Variants in DPYS observed in about 807,000 individuals in gnomAD.
DPYS encodes the protein dihydropyrimidinase.
DPYS carries 39 observed loss-of-function variants against 50.3 expected under a neutral mutation model. The observed-to-expected ratio is 0.78, with a 90% confidence interval of 0.60 to 1.01. DPYS has a LOEUF of 1.01. Among genes scored for constraint, DPYS ranks in the 50% least tolerant of loss-of-function variants. DPYS has a pLI of 0.00. For missense variants in DPYS, 659 were observed against 680.9 expected, an observed-to-expected ratio of 0.97 and a Z score of 0.36; for synonymous variants, 245 against 250.7, an observed-to-expected ratio of 0.98 and a Z score of 0.22.
At chr8:104,460,144 C>A (rs1261238743) in intron 1 of DPYS, among the ~76,000 whole-genome samples, 1 of 152,180 alleles carries the variant, frequency 6.6e-6, no homozygotes, top group African/African-American at 2.4e-5. Context: ...AGACTTTCCT[C>A]CCTGAGAGAA....
chr8:104,451,107 A>G (rs750099300), intron 2 of DPYS, 139 bp downstream of exon 2: 2 of 1,041,492 alleles, frequency 1.9e-6, no homozygotes, highest in Non-Finnish European at 2.9e-6. Flanking sequence ...AAAGATACAA[A>G]AGAATATGCA....
intron 1 of DPYS, among the ~76,000 whole-genome samples, chr8:104,454,901 C>T (rs532837831): frequency 6.6e-6 from 1 of 152,140 alleles, no homozygotes; most frequent in East Asian, 1.9e-4. Flanking sequence ...ACAGCAAGTG[C>T]TGTGATGCTG....
chr8:104,465,539 T>C (rs1282131757), intron 1 of DPYS, among the ~76,000 whole-genome samples: 4 of 152,194 alleles, frequency 2.6e-5, no homozygotes, highest in South Asian at 4.1e-4. Context: ...ATTTTTACTC[T>C]ATGTTCCTGT....
intron 1 of DPYS, among the ~76,000 whole-genome samples, chr8:104,453,886 C>T (rs1217150334): frequency 3.3e-5 from 5 of 152,238 alleles, no homozygotes; most frequent in African/African-American, 4.8e-5. Flanking sequence ...TACTGACATA[C>T]GCTATGACAT....
At chr8:104,418,928 G>T in intron 7 of DPYS, 1 of 826,464 alleles carries the variant, frequency 1.2e-6, no homozygotes, top group Non-Finnish European at 1.5e-6. Context: ...TTGACCCTCA[G>T]CCTGCGGCTT....
Position 104,424,278 on chromosome 8 carries a change from CA to C in DPYS, c.1203del (p.Asp402ThrfsTer38). On this transcript the variant is annotated frameshift_variant, in exon 7 of 10. Transcript: ENST00000351513. LOFTEE classifies it high-confidence loss of function. ...RKGRIAVGSD[A>X]DIVIWDPKGT... The stretch of plus-strand genomic sequence containing the variant: ...CCTTTTGGGTCCCAAATAACAATGT[CA>C]GCATCTGATCCTACAGCTATTCTTC... The C allele has an allele frequency of 6.2e-7, 1 of 1,614,136 alleles. No homozygotes were observed. Among genetic ancestry groups the C allele is most frequent in the Non-Finnish European group, 8.5e-7 (1 of 1,180,014 alleles).
intron 1 of DPYS, among the ~76,000 whole-genome samples, chr8:104,466,365 AG>A (rs1384760604): frequency 6.6e-6 from 1 of 152,180 alleles, no homozygotes; most frequent in Non-Finnish European, 1.5e-5. Context: ...TAGAGAAATT[AG>A]GGTAAGGGGA....
intron 3 of DPYS, among the ~76,000 whole-genome samples, chr8:104,446,170 T>C (rs2669433): frequency 0.62 from 94,287 of 152,060 alleles, 30,446 homozygotes; most frequent in Non-Finnish European, 0.72. Flanking sequence ...CAATTTTCCA[T>C]GATGTGATTC....
At chr8:104,456,941 A>G (rs1370194179) in intron 1 of DPYS, among the ~76,000 whole-genome samples, 2 of 152,202 alleles carry the variant, frequency 1.3e-5, no homozygotes, top group Non-Finnish European at 2.9e-5. Context: ...TCCATTGTAA[A>G]TCATTACTGA....
intron 8 of DPYS, among the ~76,000 whole-genome samples, chr8:104,384,462 C>T (rs543461062): frequency 6.6e-6 from 1 of 152,298 alleles, no homozygotes; most frequent in Admixed American, 6.5e-5. Context: ...GAATCTGAAA[C>T]CATCACTGCT....
intron 7 of DPYS, among the ~76,000 whole-genome samples, chr8:104,411,554 C>G (rs1812176278): frequency 6.6e-6 from 1 of 152,050 alleles, no homozygotes; most frequent in Admixed American, 6.6e-5. Flanking sequence ...GAAGAAACCA[C>G]CTTTAAGAAA....
intron 2 of DPYS, among the ~76,000 whole-genome samples, chr8:104,450,578 G>A (rs1487787197): frequency 1.3e-5 from 2 of 152,328 alleles, no homozygotes; most frequent in African/African-American, 4.8e-5. Flanking sequence ...TCTCAGAACT[G>A]TCTTTTCTAT....
At chr8:104,382,238 C>T (rs16871365) in intron 8 of DPYS, among the ~76,000 whole-genome samples, 62,351 of 152,022 alleles carry the variant, frequency 0.41, 15,702 homozygotes, top group African/African-American at 0.71. Flanking sequence ...AGCCACAGAA[C>T]TTGAAGCACT....
At position 104,466,768 on chromosome 8, in the gene DPYS, G is replaced by A; in HGVS notation, c.153C>T (p.Val51=). Residue 51 remains valine (V), a synonymous_variant, in exon 1 of 10, where the codon GTC becomes GTT. Transcript: ENST00000351513. ...PPGGAPAGLR[V]LDAAGKLVLP... ...GGACGAGCTTGCCGGCGGCGTCGAGGACCCGCAGCCCCGCAGGAGCGCCCC... is the reference window on the plus strand; with the variant it reads ...GGACGAGCTTGCCGGCGGCGTCGAGAACCCGCAGCCCCGCAGGAGCGCCCC... 2.0e-6 allele frequency: 3 copies of A among 1,534,532 alleles called. No individual in the cohort carries two copies. The highest frequency in any genetic ancestry group is 2.6e-6 in the Non-Finnish European group (3 of 1,145,818).
intron 7 of DPYS, among the ~76,000 whole-genome samples, chr8:104,413,600 A>G (rs1812267825): frequency 6.6e-6 from 1 of 152,192 alleles, no homozygotes; most frequent in African/African-American, 2.4e-5. Flanking sequence ...GCCATTTACT[A>G]TAATCCTAGT....
intron 1 of DPYS, among the ~76,000 whole-genome samples, chr8:104,452,177 C>A (rs1220225692): frequency 1.3e-5 from 2 of 152,160 alleles, no homozygotes; most frequent in Non-Finnish European, 2.9e-5. Flanking sequence ...TGCAATATAC[C>A]CCTTAGCACA....
chr8:104,436,922 C>T (rs1053497540), intron 4 of DPYS, among the ~76,000 whole-genome samples: 11 of 151,698 alleles, frequency 7.3e-5, no homozygotes, highest in African/African-American at 1.7e-4. Context: ...AAAAAGAATA[C>T]GGAACCATGG....
intron 1 of DPYS, among the ~76,000 whole-genome samples, chr8:104,465,493 T>C (rs1814337513): frequency 6.6e-6 from 1 of 152,152 alleles, no homozygotes; most frequent in Non-Finnish European, 1.5e-5. Flanking sequence ...TTAGGGAGGA[T>C]GTGGGCTTTA....
chr8:104,386,160 T>G (rs1811207062), intron 8 of DPYS, among the ~76,000 whole-genome samples: 1 of 152,220 alleles, frequency 6.6e-6, no homozygotes. Flanking sequence ...ATTCCAATTA[T>G]CATTACACTT....
Sources: allele counts gnomAD v4.1 joint callset (sites outside exome capture counted in the v4.1 genomes callset), GRCh38; gene constraint gnomAD v4.1.1; transcripts MANE v1.5; gene names NCBI Gene and HGNC (gene_info 2026-07-23, HGNC 2026-07-21).